DCLK1: variants seen among roughly 807,000 people sequenced by gnomAD.
DCLK1 encodes serine/threonine-protein kinase DCLK1.
A neutral mutation model predicts 86.2 loss-of-function variants in DCLK1; 16 were observed. That is an observed-to-expected ratio of 0.19 (90% CI 0.13 to 0.28). The LOEUF is 0.28. DCLK1 is among the 10% of genes least tolerant of loss of function. DCLK1 has a pLI of 1.00. For missense variants in DCLK1, 590 were observed against 940.2 expected, an observed-to-expected ratio of 0.63 and a Z score of 4.87; for synonymous variants, 369 against 370.5, an observed-to-expected ratio of 1.00 and a Z score of 0.05.
intron 3 of DCLK1, among the ~76,000 whole-genome samples, chr13:36,016,872 T>A (rs1881556008): frequency 6.6e-6 from 1 of 152,224 alleles, no homozygotes; most frequent in Non-Finnish European, 1.5e-5. Context: ...ATGAAGTCTT[T>A]GACACGGTGT....
intron 3 of DCLK1, among the ~76,000 whole-genome samples, chr13:35,949,361 T>C (rs1288846469): frequency 3.3e-5 from 5 of 152,196 alleles, no homozygotes; most frequent in African/African-American, 1.2e-4. Context: ...CAGATACTGT[T>C]CCTCAGAGTG....
chr13:35,847,976 C>G (rs1010616436), intron 6 of DCLK1: 1 of 985,148 alleles, frequency 1.0e-6, no homozygotes, highest in African/African-American at 1.7e-5. Context: ...GAACTTCATA[C>G]TTTATATATT....
chr13:35,847,545 T>A, intron 6 of DCLK1: 2 of 982,982 alleles, frequency 2.0e-6, no homozygotes, highest in Non-Finnish European at 2.4e-6. Flanking sequence ...ATGTGGAATT[T>A]TCAGGAATAT....
intron 3 of DCLK1, among the ~76,000 whole-genome samples, chr13:36,109,587 G>T (rs1885536860): frequency 6.6e-6 from 1 of 152,176 alleles, no homozygotes; most frequent in African/African-American, 2.4e-5. Flanking sequence ...GCTCAATAAA[G>T]CTATCATCAT....
intron 3 of DCLK1, among the ~76,000 whole-genome samples, chr13:36,065,572 T>C (rs1416541705): frequency 6.6e-6 from 1 of 152,208 alleles, no homozygotes; most frequent in Non-Finnish European, 1.5e-5. Flanking sequence ...AGAATTACTT[T>C]GATAGAGTAA....
intron 3 of DCLK1, among the ~76,000 whole-genome samples, chr13:36,024,140 C>T (rs549027769): frequency 7.2e-5 from 11 of 151,930 alleles, no homozygotes; most frequent in Admixed American, 5.3e-4. Flanking sequence ...GTGATCCACC[C>T]GCCTCTGCCT....
At chr13:36,031,438 A>G (rs557995186) in intron 3 of DCLK1, among the ~76,000 whole-genome samples, 66 of 152,244 alleles carry the variant, frequency 4.3e-4, no homozygotes, top group African/African-American at 1.5e-3. Context: ...TTATTTAGAT[A>G]TATATGTACA....
chr13:35,915,834 A>G (rs1324652182), intron 4 of DCLK1, among the ~76,000 whole-genome samples: 1 of 152,232 alleles, frequency 6.6e-6, no homozygotes, highest in Non-Finnish European at 1.5e-5. Context: ...TACTTTACTT[A>G]TGTTTTGATT....
chr13:35,987,277 T>G (rs1327599496), intron 3 of DCLK1, among the ~76,000 whole-genome samples: 1 of 152,028 alleles, frequency 6.6e-6, no homozygotes, highest in Admixed American at 6.5e-5. Flanking sequence ...ATACAAAAAT[T>G]TGCCAGGCAT....
At chr13:35,840,814 T>A (rs891613847) in intron 6 of DCLK1, among the ~76,000 whole-genome samples, 1 of 152,238 alleles carries the variant, frequency 6.6e-6, no homozygotes. Context: ...TAAGCCACCC[T>A]CTGCTGACTT....
intron 3 of DCLK1, among the ~76,000 whole-genome samples, chr13:36,057,862 A>G (rs1292185297): frequency 6.6e-6 from 1 of 152,170 alleles, no homozygotes; most frequent in Admixed American, 6.5e-5. Context: ...CCAGTCATGA[A>G]TGCTTGTCTA....
chr13:35,808,678 G>A (rs1016391261), intron 13 of DCLK1, among the ~76,000 whole-genome samples: 8 of 152,092 alleles, frequency 5.3e-5, no homozygotes, highest in Non-Finnish European at 1.5e-5. Flanking sequence ...AGCTATTCAG[G>A]AAGCTGAGGC....
intron 16 of DCLK1, among the ~76,000 whole-genome samples, chr13:35,782,264 C>T (rs2086540453): frequency 1.3e-5 from 2 of 152,164 alleles, no homozygotes. Flanking sequence ...GGCCTCCCAT[C>T]AGACAGTTAA....
At chr13:35,853,573 C>A (rs1262514529) in intron 6 of DCLK1, among the ~76,000 whole-genome samples, 1 of 152,088 alleles carries the variant, frequency 6.6e-6, no homozygotes, top group Non-Finnish European at 1.5e-5. Context: ...CTGGATGACA[C>A]GTAATTTTGT....
chr13:35,925,034 G>A (rs948460204), intron 4 of DCLK1, among the ~76,000 whole-genome samples: 1 of 152,156 alleles, frequency 6.6e-6, no homozygotes, highest in African/African-American at 2.4e-5. Flanking sequence ...ATTTAGACAA[G>A]CTCTTTTTAG....
intron 3 of DCLK1, among the ~76,000 whole-genome samples, chr13:36,111,287 T>C (rs1440252458): frequency 6.6e-6 from 1 of 152,176 alleles, no homozygotes; most frequent in Non-Finnish European, 1.5e-5. Context: ...CTGATGTTCA[T>C]TCTGTAGCTG....
chr13:35,907,336 T>G (rs1474988837), intron 4 of DCLK1, among the ~76,000 whole-genome samples: 7 of 151,912 alleles, frequency 4.6e-5, no homozygotes, highest in Non-Finnish European at 8.8e-5. Context: ...CTAATTTAAA[T>G]TTTTTTTGTA....
intron 3 of DCLK1, among the ~76,000 whole-genome samples, chr13:36,083,608 A>G (rs1884494383): frequency 6.6e-6 from 1 of 152,242 alleles, no homozygotes; most frequent in South Asian, 2.1e-4. Context: ...AAGCAATTGT[A>G]TTATTCACAT....
At chr13:36,033,966 C>T (rs1882391733) in intron 3 of DCLK1, among the ~76,000 whole-genome samples, 1 of 152,110 alleles carries the variant, frequency 6.6e-6, no homozygotes, top group African/African-American at 2.4e-5. Flanking sequence ...GTATTTTGCA[C>T]ACTTCTGGAA....
Sources: gnomAD v4.1 joint callset for allele counts (sites outside exome capture counted in the v4.1 genomes callset) on GRCh38, gnomAD v4.1.1 for gene constraint, MANE v1.5 for transcripts, NCBI Gene and HGNC (gene_info 2026-07-23, HGNC 2026-07-21) for gene names.